Variants in DEUP1 observed in about 807,000 individuals in gnomAD.
DEUP1 encodes deuterosome assembly protein 1.
DEUP1 carries 82 observed loss-of-function variants against 87.4 expected under a neutral mutation model. The ratio of observed to expected loss-of-function variants is 0.94; its 90% CI spans 0.78 to 1.13. The LOEUF is 1.13. DEUP1 is among the 50% of genes most tolerant of loss of function. The pLI, the probability that DEUP1 is intolerant of heterozygous loss-of-function variation, is 0.00. For missense variants in DEUP1, 663 were observed against 681.5 expected (o/e 0.97, Z 0.30); for synonymous variants, 214 against 222.7 (o/e 0.96, Z 0.35).
chr11:93,358,051 A>C (rs1161586588), intron 4 of DEUP1, among the ~76,000 whole-genome samples: 1 of 152,216 alleles, frequency 6.6e-6, no homozygotes, highest in Non-Finnish European at 1.5e-5. Flanking sequence ...GTAAAACAAC[A>C]ACATAAACAT....
At chr11:93,381,551 TG>T (rs1365248387) in intron 7 of DEUP1, among the ~76,000 whole-genome samples, 1 of 152,192 alleles carries the variant, frequency 6.6e-6, no homozygotes, top group Non-Finnish European at 1.5e-5. Context: ...TTAATTTCAT[TG>T]CATATATTTA....
intron 13 of DEUP1, among the ~76,000 whole-genome samples, chr11:93,415,753 T>C (rs1947599183): frequency 6.6e-6 from 1 of 152,050 alleles, no homozygotes; most frequent in East Asian, 1.9e-4. Flanking sequence ...TGTTTCTGGC[T>C]TCTTTTTCTC....
chr11:93,353,896 G>A (rs2134207629), intron 2 of DEUP1, among the ~76,000 whole-genome samples: 1 of 152,346 alleles, frequency 6.6e-6, no homozygotes, highest in East Asian at 1.9e-4. Flanking sequence ...AGGGGCTGCT[G>A]TGAAGGTCTC....
At chr11:93,349,903 G>A (rs754247829) in intron 2 of DEUP1, among the ~76,000 whole-genome samples, 4 of 152,182 alleles carry the variant, frequency 2.6e-5, no homozygotes, top group Non-Finnish European at 4.4e-5. Context: ...AGGCAGAGGA[G>A]TGGGAAAGCT....
intron 7 of DEUP1, among the ~76,000 whole-genome samples, chr11:93,380,968 A>G (rs1946277135): frequency 6.6e-6 from 1 of 152,226 alleles, no homozygotes; most frequent in South Asian, 2.1e-4. Context: ...TTTGAAAAGT[A>G]ATTTGGTTCA....
At chr11:93,359,102 A>G (rs1945037753) in intron 4 of DEUP1, among the ~76,000 whole-genome samples, 1 of 152,176 alleles carries the variant, frequency 6.6e-6, no homozygotes. Flanking sequence ...GAAAAGTACT[A>G]TGTACTTGAT....
intron 9 of DEUP1, among the ~76,000 whole-genome samples, chr11:93,392,184 C>T (rs182466716): frequency 6.6e-6 from 1 of 152,306 alleles, no homozygotes; most frequent in East Asian, 1.9e-4. Context: ...TGATCTCACT[C>T]TAGGTGTCAT....
At position 93,355,364 on chromosome 11, in the gene DEUP1, T is replaced by A; in HGVS notation, c.30-7T>A. On this transcript the variant is annotated splice_region_variant and splice_polypyrimidine_tract_variant and intron_variant, in intron 2 of 13. Transcript: ENST00000298050. ...TAAAATGTATTTTACTTTCCTACAA[T>A]TGCCAGAACTTCTCCTTGTGAGGCT... The A allele has an allele frequency of 6.2e-7, 1 of 1,610,728 alleles. No individual in the cohort carries two copies. Among genetic ancestry groups the A allele is most frequent in the Non-Finnish European group, 8.5e-7 (1 of 1,178,982 alleles).
chr11:93,376,711 G>T (rs1029709096), intron 7 of DEUP1, among the ~76,000 whole-genome samples: 1 of 152,026 alleles, frequency 6.6e-6, no homozygotes, highest in African/African-American at 2.4e-5. Context: ...GTGATCTTAG[G>T]TTTGCTATTT....
chr11:93,409,172 C>A (rs1245962078), intron 12 of DEUP1, among the ~76,000 whole-genome samples: 1 of 152,208 alleles, frequency 6.6e-6, no homozygotes, highest in East Asian at 1.9e-4. Context: ...ATACACTTTC[C>A]ATTGACATTC....
intron 2 of DEUP1, among the ~76,000 whole-genome samples, chr11:93,337,058 A>G (rs922276240): frequency 1.3e-5 from 2 of 152,156 alleles, no homozygotes; most frequent in Non-Finnish European, 2.9e-5. Context: ...ATCTTGTCAA[A>G]TGCTTCCTAA....
intron 11 of DEUP1, among the ~76,000 whole-genome samples, chr11:93,404,189 T>G (rs1274277400): frequency 6.6e-6 from 1 of 152,086 alleles, no homozygotes; most frequent in African/African-American, 2.4e-5. Flanking sequence ...ACCTGGTATC[T>G]AAGGTTTCCT....
rs781219200 is a variant in DEUP1, at chr11:93,355,380, T to G, written c.39T>G (p.Pro13=). Residue 13 remains proline (P), a synonymous_variant, in exon 3 of 14, where the codon CCT becomes CCG. Transcript: ENST00000298050. ...TTCCTACAATTGCCAGAACTTCTCC[T>G]TGTGAGGCTGAGCTTCAGGAATTAA... The part of the protein sequence containing the change: ...NQAHNTMGTS[P]CEAELQELME... 9.5e-5 allele frequency: 154 copies of G among 1,613,100 alleles called. No homozygotes were observed. Among genetic ancestry groups the G allele is most frequent in the Non-Finnish European group, 1.2e-4 (147 of 1,179,626 alleles).
At chr11:93,427,171 A>G (rs1398876012) in intron 13 of DEUP1, among the ~76,000 whole-genome samples, 1 of 150,834 alleles carries the variant, frequency 6.6e-6, no homozygotes, top group East Asian at 2.0e-4. Context: ...CGCCAAGTCA[A>G]TCCTAAGCCA....
chr11:93,429,798 CT>C (rs1948046139), intron 13 of DEUP1, among the ~76,000 whole-genome samples: 1 of 152,170 alleles, frequency 6.6e-6, no homozygotes, highest in Non-Finnish European at 1.5e-5. Flanking sequence ...GGGCTTCCTT[CT>C]ATCTCTAAAA....
chr11:93,380,330 A>ATAT (rs1946243940), intron 7 of DEUP1, among the ~76,000 whole-genome samples: 4 of 50,938 alleles, frequency 7.9e-5, no homozygotes, highest in Non-Finnish European at 1.5e-4. Context: ...TTTGTGACTC[A>ATAT]CATATTTTTA....
At chr11:93,369,504 A>T (rs578044497) in intron 5 of DEUP1, among the ~76,000 whole-genome samples, 2 of 152,148 alleles carry the variant, frequency 1.3e-5, no homozygotes, top group African/African-American at 2.4e-5. Context: ...AGTATTTGTT[A>T]TAAGACAGAC....
At chr11:93,405,554 G>A (rs1325447789) in intron 11 of DEUP1, among the ~76,000 whole-genome samples, 1 of 151,934 alleles carries the variant, frequency 6.6e-6, no homozygotes, top group Non-Finnish European at 1.5e-5. Context: ...TCAAAAATGA[G>A]ACTTTGCTAC....
chr11:93,359,912 C>CT (rs2134229302), intron 4 of DEUP1, among the ~76,000 whole-genome samples: 1 of 152,262 alleles, frequency 6.6e-6, no homozygotes, highest in African/African-American at 2.4e-5. Flanking sequence ...AGAGCCAGGA[C>CT]TTTCATCCTC....
Sources: allele counts gnomAD v4.1 joint callset (sites outside exome capture counted in the v4.1 genomes callset), GRCh38; gene constraint gnomAD v4.1.1; transcripts MANE v1.5; gene names NCBI Gene and HGNC (gene_info 2026-07-23, HGNC 2026-07-21).